The following ANO10 variants were observed in gnomAD, a reference collection of about 807,000 sequenced individuals.
ANO10 encodes the protein anoctamin-10.
In ANO10, 77 loss-of-function variants were observed where a neutral mutation model predicts 74.7. That is an observed-to-expected ratio of 1.03 (90% CI 0.86 to 1.25). ANO10 has a LOEUF of 1.25. Among genes scored for constraint, ANO10 ranks in the 50% most tolerant of loss-of-function variants. The probability of loss-of-function intolerance (pLI) is 0.00; values close to 1 mark genes in which losing one functional copy is unlikely to be tolerated. For synonymous variants in ANO10, 279 were observed against 284.9 expected (o/e 0.98, Z 0.21); for missense variants, 721 against 778.1 (o/e 0.93, Z 0.87).
At position 43,453,852 on chromosome 3, in the gene ANO10, G is replaced by T. The variant is rs947637252; in HGVS notation, c.1798-21125C>A. Among the ~76,000 whole-genome samples the T allele has an allele frequency of 3.3e-5, 5 of 151,990 alleles. No individual in the cohort carries two copies. In the South Asian group the frequency reaches 1.0e-3, roughly 32 times the overall value. On this transcript the variant is annotated intron_variant, in intron 11 of 12. Transcript: ENST00000292246. The stretch of plus-strand genomic sequence containing the variant: ...GTATTACATATTGTATCCTTCTTAA[G>T]GTGTCTGCTTATATGCATTCATTCA...
At chr3:43,455,000 T>A (rs538854363) in intron 11 of ANO10, among the ~76,000 whole-genome samples, 2 of 151,916 alleles carry the variant, frequency 1.3e-5, no homozygotes, top group Non-Finnish European at 2.9e-5. Flanking sequence ...TGTGAGAGAA[T>A]AGAATCCAGC....
intron 1 of ANO10, among the ~76,000 whole-genome samples, chr3:43,643,123 C>A (rs1204951672): frequency 6.6e-6 from 1 of 151,788 alleles, no homozygotes; most frequent in Non-Finnish European, 1.5e-5. Context: ...GCTCCGCCTC[C>A]CGGGTTCACG....
intron 11 of ANO10, among the ~76,000 whole-genome samples, chr3:43,452,258 T>C (rs2074912257): frequency 6.6e-6 from 1 of 152,232 alleles, no homozygotes; most frequent in African/African-American, 2.4e-5. Flanking sequence ...TACTCAGAGT[T>C]TGTGCAACTA....
chr3:43,540,948 T>C (rs1270503334), intron 11 of ANO10, among the ~76,000 whole-genome samples: 1 of 152,084 alleles, frequency 6.6e-6, no homozygotes, highest in Admixed American at 6.5e-5. Flanking sequence ...CCCACAACAT[T>C]AGGAGAACAC....
At chr3:43,370,325 T>A (rs1356478282) in intron 12 of ANO10, among the ~76,000 whole-genome samples, 1 of 152,262 alleles carries the variant, frequency 6.6e-6, no homozygotes, top group Non-Finnish European at 1.5e-5. Context: ...TCTGAATTTT[T>A]AACGAGCCTT....
At chr3:43,676,278 G>C (rs560404260) in intron 1 of ANO10, among the ~76,000 whole-genome samples, 1 of 151,156 alleles carries the variant, frequency 6.6e-6, no homozygotes, top group Non-Finnish European at 1.5e-5. Flanking sequence ...GGACAACAAA[G>C]TGAGACCCTG....
At chr3:43,682,400 T>C (rs1208313384) in intron 1 of ANO10, among the ~76,000 whole-genome samples, 1 of 152,204 alleles carries the variant, frequency 6.6e-6, no homozygotes, top group African/African-American at 2.4e-5. Flanking sequence ...AATCTCTGAA[T>C]AGACCAATAA....
intron 3 of ANO10, among the ~76,000 whole-genome samples, chr3:43,599,892 C>G (rs1056435408): frequency 6.7e-6 from 1 of 148,554 alleles, no homozygotes; most frequent in African/African-American, 2.5e-5. Flanking sequence ...GGCGACAGAG[C>G]GAGACTCTGT....
chr3:43,433,936 T>C (rs2093029295), intron 11 of ANO10, among the ~76,000 whole-genome samples: 3 of 152,234 alleles, frequency 2.0e-5, no homozygotes, highest in Non-Finnish European at 4.4e-5. Flanking sequence ...TGGAACAGCC[T>C]TTAAGAAATG....
chr3:43,553,105 T>C (rs866740510), intron 10 of ANO10, among the ~76,000 whole-genome samples: 14 of 152,280 alleles, frequency 9.2e-5, no homozygotes, highest in Admixed American at 2.6e-4. Flanking sequence ...GGATTCTATA[T>C]TGACAATACT....
At chr3:43,435,868 A>G (rs967765413) in intron 11 of ANO10, among the ~76,000 whole-genome samples, 1 of 152,344 alleles carries the variant, frequency 6.6e-6, no homozygotes, top group Admixed American at 6.5e-5. Flanking sequence ...GCAAATAACA[A>G]TGAATACTTG....
At chr3:43,368,345 G>C (rs1192637883) in intron 12 of ANO10, among the ~76,000 whole-genome samples, 1 of 152,120 alleles carries the variant, frequency 6.6e-6, no homozygotes, top group African/African-American at 2.4e-5. Flanking sequence ...CCTGGAGTAG[G>C]GGGTAGACAC....
At chr3:43,422,334 C>T (rs1291121124) in intron 12 of ANO10, among the ~76,000 whole-genome samples, 2 of 152,186 alleles carry the variant, frequency 1.3e-5, no homozygotes, top group Non-Finnish European at 2.9e-5. Flanking sequence ...TCAGGCTGGT[C>T]TCAAACTCCT....
intron 11 of ANO10, among the ~76,000 whole-genome samples, chr3:43,457,671 T>A (rs2075192193): frequency 6.6e-6 from 1 of 152,170 alleles, no homozygotes; most frequent in Non-Finnish European, 1.5e-5. Flanking sequence ...CAAACCTGCT[T>A]TACTTTAGAA....
chr3:43,567,474 C>T (rs537338164), intron 7 of ANO10, among the ~76,000 whole-genome samples: 14 of 152,088 alleles, frequency 9.2e-5, no homozygotes, highest in Admixed American at 3.3e-4. Flanking sequence ...ATCAGACTAA[C>T]AGCAGATCTC....
chr3:43,620,647 A>C (rs1245312710), intron 1 of ANO10, among the ~76,000 whole-genome samples: 2 of 152,168 alleles, frequency 1.3e-5, no homozygotes, highest in Admixed American at 1.3e-4. Context: ...GCATGGTGGC[A>C]GGCGCCTATA....
intron 11 of ANO10, among the ~76,000 whole-genome samples, chr3:43,466,347 G>A (rs1274886750): frequency 1.5e-5 from 2 of 133,430 alleles, no homozygotes; most frequent in Non-Finnish European, 1.6e-5. Flanking sequence ...CTCCAGCCTG[G>A]TGACAGAGCA....
intron 10 of ANO10, among the ~76,000 whole-genome samples, chr3:43,550,952 C>T (rs1416495257): frequency 3.3e-5 from 5 of 152,112 alleles, no homozygotes; most frequent in Admixed American, 3.3e-4. Context: ...TACACTCTTT[C>T]CTACTCCCTT....
rs1236949666 is a variant in ANO10, at chr3:43,598,531, C to A, written c.472+1G>T. The A allele has an allele frequency of 6.2e-7, 1 of 1,612,936 alleles. No homozygotes were observed. The highest frequency in any genetic ancestry group is 8.5e-7 in the Non-Finnish European group (1 of 1,179,582). On this transcript the variant is annotated splice_donor_variant, in intron 4 of 12. Coordinates refer to ENST00000292246, the MANE Select transcript of ANO10 (RefSeq NM_018075.5). LOFTEE classifies it high-confidence loss of function. ...AAAGACTGGTTGACATAATGACTTACACAATGATTTTCCTGGATACAACTT... is the reference window on the plus strand; with the variant it reads ...AAAGACTGGTTGACATAATGACTTAAACAATGATTTTCCTGGATACAACTT...
Sources: allele counts gnomAD v4.1 joint callset (sites outside exome capture counted in the v4.1 genomes callset), GRCh38; gene constraint gnomAD v4.1.1; transcripts MANE v1.5; gene names NCBI Gene and HGNC (gene_info 2026-07-23, HGNC 2026-07-21).